Variants in PRDM16 observed in about 807,000 individuals in gnomAD.
The protein encoded by PRDM16 is histone-lysine N-methyltransferase PRDM16.
PRDM16 carries 23 observed loss-of-function variants against 110.6 expected under a neutral mutation model. The ratio of observed to expected loss-of-function variants is 0.21; its 90% CI spans 0.15 to 0.29. The LOEUF is 0.29. Among genes scored for constraint, PRDM16 ranks in the 10% least tolerant of loss-of-function variants. The probability of loss-of-function intolerance (pLI) is 1.00; values close to 1 mark genes in which losing one functional copy is unlikely to be tolerated. For missense variants in PRDM16, 1,615 were observed against 1,794.3 expected (o/e 0.90, Z 1.81); for synonymous variants, 799 against 781.8 (o/e 1.02, Z -0.37).
intron 3 of PRDM16, among the ~76,000 whole-genome samples, chr1:3,273,791 C>T (rs1301409263): frequency 6.9e-5 from 10 of 144,920 alleles, no homozygotes; most frequent in East Asian, 4.2e-4. Context: ...GTGTGCATAG[C>T]GTGTGGCTAA....
chr1:3,134,981 AC>A lies in PRDM16; in HGVS notation c.38-51141del, dbSNP rs762411506. 4.3e-4 allele frequency among the ~76,000 whole-genome samples: 66 copies of A among 152,278 alleles called. 1 individual carries two copies. Among genetic ancestry groups the A allele is most frequent in the Admixed American group, 1.2e-3 (19 of 15,304 alleles). On this transcript the variant is annotated intron_variant, in intron 1 of 16. Transcript: ENST00000270722. Reference sequence around the variant, plus strand: ...GGGAGCTGCCGGGGAGCTGCCGGCCACCCGCAGGCTGGGCCTGGGAGGCCCT... The same window carrying A: ...GGGAGCTGCCGGGGAGCTGCCGGCCACCGCAGGCTGGGCCTGGGAGGCCCT...
At chr1:3,186,507 G>A (rs1388264154) in intron 2 of PRDM16, 33 bp downstream of exon 2, 13 of 1,316,780 alleles carry the variant, frequency 9.9e-6, no homozygotes, top group Admixed American at 2.6e-5. Context: ...GATTGATCAC[G>A]GCCATTTATC....
chr1:3,130,940 G>T (rs1486480757), intron 1 of PRDM16, among the ~76,000 whole-genome samples: 1 of 152,112 alleles, frequency 6.6e-6, no homozygotes, highest in African/African-American at 2.4e-5. Context: ...TTCAGGTTAG[G>T]TGTGTTCCAG....
At chr1:3,197,510 G>A (rs1378296767) in intron 2 of PRDM16, among the ~76,000 whole-genome samples, 1 of 152,254 alleles carries the variant, frequency 6.6e-6, no homozygotes, top group East Asian at 1.9e-4. Context: ...CACCTGCAGT[G>A]CGGTCCCTGC....
intron 2 of PRDM16, among the ~76,000 whole-genome samples, chr1:3,189,345 A>G (rs2817139): frequency 0.81 from 121,843 of 150,464 alleles, 49,559 homozygotes; most frequent in Middle Eastern, 0.87. Flanking sequence ...CCAGCATCAC[A>G]CCAGGGGGAT....
At chr1:3,269,775 C>A in intron 3 of PRDM16, among the ~76,000 whole-genome samples, 1 of 146,180 alleles carries the variant, frequency 6.8e-6, no homozygotes, top group South Asian at 2.2e-4. Flanking sequence ...GAGGACAGTC[C>A]CAGAGGAGGA....
At chr1:3,315,853 G>A (rs968618434) in intron 3 of PRDM16, among the ~76,000 whole-genome samples, 2 of 152,134 alleles carry the variant, frequency 1.3e-5, no homozygotes, top group African/African-American at 2.4e-5. Context: ...GCCGGGCTCC[G>A]AGGTGAGGGG....
In PRDM16 at chr1:3,245,888, C is replaced by A. The variant is rs1246136147; in HGVS notation, c.438+1751C>A. Among the ~76,000 whole-genome samples the A allele has an allele frequency of 6.6e-6, 1 of 152,174 alleles. No individual in the cohort carries two copies. Among genetic ancestry groups the A allele is most frequent in the Non-Finnish European group, 1.5e-5 (1 of 68,038 alleles). ...AGCCTGAAATCACTGGGTTTTCCAC[C>A]CCGATGCGTCCCTGGACCGTCTGAC... On this transcript the variant is annotated intron_variant, in intron 3 of 16. Transcript: ENST00000270722. This position sits in a 1 kb window ranked among gnomAD's most constrained non-coding sequence, Gnocchi z 4.7.
intron 3 of PRDM16, among the ~76,000 whole-genome samples, chr1:3,275,925 T>C (rs1640572603): frequency 6.6e-6 from 1 of 152,230 alleles, no homozygotes; most frequent in African/African-American, 2.4e-5. Flanking sequence ...AAGACCATGT[T>C]TCCCTTTCTC....
rs1456209043 is a variant in PRDM16 at position 3,436,589 on chromosome 1, G to A, written c.*2778G>A. On this transcript the variant is annotated 3_prime_UTR_variant, in exon 17 of 17. Coordinates refer to ENST00000270722, the MANE Select transcript of PRDM16 (RefSeq NM_022114.4). ...CTGGGCTGGTGCGCCCCAAAACACG[G>A]CCCCGACACTTAGTGTGGCCCCAGG... 1 of 231,826 alleles carries A rather than the reference G, an allele frequency of 4.3e-6. No homozygotes were observed. The highest frequency in any genetic ancestry group is 8.5e-6 in the Non-Finnish European group (1 of 117,254). 14.4% of individuals were successfully genotyped at this position (231,826 alleles called of 1,614,324 possible). A position where few individuals can be genotyped will look rare whatever the true frequency, so the allele number is the denominator to read the frequency against.
chr1:3,082,460 G>C (rs11578424), intron 1 of PRDM16, among the ~76,000 whole-genome samples: 54,458 of 152,120 alleles, frequency 0.36, 11,193 homozygotes, highest in East Asian at 0.56. Context: ...AGCCTGCAGG[G>C]TCTGGGGACC....
Position 3,408,667 on chromosome 1 carries a change from T to TGTGA in PRDM16, c.1187-2714_1187-2713insAGTG, listed in dbSNP as rs1412288325. 3.4e-3 allele frequency among the ~76,000 whole-genome samples: 416 copies of TGTGA among 123,902 alleles called. 5 individuals are homozygous for TGTGA. The highest frequency in any genetic ancestry group is 0.013 in the African/African-American group (377 of 27,968). 81.3% of individuals were successfully genotyped at this position (123,902 alleles called of 152,430 possible). ...GTGCCTGTGTTGGCATGTGTGAGAG[T>TGTGA]GTGTGAGTGTGAGCACGTGAGCCGG... On this transcript the variant is annotated intron_variant, in intron 8 of 16. Coordinates refer to ENST00000270722, the MANE Select transcript of PRDM16 (RefSeq NM_022114.4).
chr1:3,262,771 G>A (rs1640190544), intron 3 of PRDM16, among the ~76,000 whole-genome samples: 1 of 152,210 alleles, frequency 6.6e-6, no homozygotes, highest in African/African-American at 2.4e-5. Flanking sequence ...GCGAGCATGG[G>A]GTCCCAGGGA....
rs1422876817 is a variant in PRDM16 at position 3,143,704 on chromosome 1, T to C, written c.38-42421T>C. Among the ~76,000 whole-genome samples the C allele has an allele frequency of 6.6e-6, 1 of 152,204 alleles. No homozygotes were observed. Among genetic ancestry groups the C allele is most frequent in the East Asian group, 1.9e-4 (1 of 5,184 alleles). ...TGTGGTCAGGCCAGTCTTGAACTCC[T>C]GACCTCAGGTGATCCTCCCGCCTCG... On this transcript the variant is annotated intron_variant, in intron 1 of 16. Transcript: ENST00000270722. The surrounding 1 kb of genome is among the most constrained non-coding windows in gnomAD (Gnocchi z 4.5).
In PRDM16 at chr1:3,237,697, C is replaced by T. The variant is rs575168985; in HGVS notation, c.388-6390C>T. On this transcript the variant is annotated intron_variant, in intron 2 of 16. Coordinates refer to ENST00000270722, the MANE Select transcript of PRDM16 (RefSeq NM_022114.4). ...AGGGAGATGCGCGCGGGGCCAGCCT[C>T]GCCCGGGCGGTGTGTCCAGGCCAAG... Among the ~76,000 whole-genome samples the T allele has an allele frequency of 1.9e-4, 29 of 152,362 alleles. 1 individual carries two copies. In the South Asian group the frequency reaches 5.8e-3, roughly 30 times the overall value.
rs973087246 is a variant in PRDM16 at position 3,239,824 on chromosome 1, C to T, written c.388-4263C>T. Among the ~76,000 whole-genome samples the T allele has an allele frequency of 3.3e-5, 5 of 151,982 alleles. No homozygotes were observed. In the South Asian group the frequency reaches 1.0e-3, roughly 32 times the overall value. On this transcript the variant is annotated intron_variant, in intron 2 of 16. Coordinates refer to ENST00000270722, the MANE Select transcript of PRDM16 (RefSeq NM_022114.4). ...AATTAGCCAGACATGGTGGAGCATGCCTCTAATCCTAGCTATTTGGGAGGC... is the reference window on the plus strand; with the variant it reads ...AATTAGCCAGACATGGTGGAGCATGTCTCTAATCCTAGCTATTTGGGAGGC...
intron 2 of PRDM16, among the ~76,000 whole-genome samples, chr1:3,240,697 A>G (rs1639649626): frequency 6.6e-6 from 1 of 152,238 alleles, no homozygotes; most frequent in Non-Finnish European, 1.5e-5. Context: ...TTGTGGCACC[A>G]AACAGCAAGC....
intron 1 of PRDM16, among the ~76,000 whole-genome samples, chr1:3,121,756 TG>T (rs2100663426): frequency 6.6e-6 from 1 of 152,328 alleles, no homozygotes; most frequent in Admixed American, 6.5e-5. Context: ...GGCTGCGCGC[TG>T]CAGGCCCTTC....
intron 4 of PRDM16, among the ~76,000 whole-genome samples, chr1:3,388,175 C>T (rs984769367): frequency 6.6e-6 from 1 of 152,222 alleles, no homozygotes; most frequent in Admixed American, 6.5e-5. Flanking sequence ...TCTCAGATTT[C>T]CACCATGCCA....
Sources: gnomAD v4.1 joint callset for allele counts (sites outside exome capture counted in the v4.1 genomes callset) on GRCh38, gnomAD v4.1.1 for gene constraint, Gnocchi (gnomAD v3.1) non-coding constraint, MANE v1.5 for transcripts, NCBI Gene and HGNC (gene_info 2026-07-23, HGNC 2026-07-21) for gene names.